Variants in SEMA3E observed in about 807,000 individuals in gnomAD.
SEMA3E encodes the protein semaphorin 3E, also known as semaphorin-3E.
In SEMA3E, 49 loss-of-function variants were observed where a neutral mutation model predicts 93.6. The ratio of observed to expected loss-of-function variants is 0.52; its 90% CI spans 0.42 to 0.66. The LOEUF (loss-of-function observed/expected upper bound fraction) is 0.66, where lower values mean the gene tolerates loss of function less well. Ranked by LOEUF, SEMA3E falls within the 30% of genes least tolerant of loss-of-function variation. The pLI is 0.00. For synonymous variants in SEMA3E, 363 were observed against 330.7 expected, an observed-to-expected ratio of 1.10 and a Z score of -1.06; for missense variants, 906 against 964.8, an observed-to-expected ratio of 0.94 and a Z score of 0.81.
At chr7:83,418,780 T>C (rs1037637198) in intron 4 of SEMA3E, among the ~76,000 whole-genome samples, 2 of 152,146 alleles carry the variant, frequency 1.3e-5, no homozygotes, top group African/African-American at 4.8e-5. Flanking sequence ...CAATGAAATA[T>C]TTGAAAGGAA....
chr7:83,523,305 G>C (rs1251644285), intron 1 of SEMA3E, among the ~76,000 whole-genome samples: 2 of 152,100 alleles, frequency 1.3e-5, no homozygotes, highest in Non-Finnish European at 2.9e-5. Context: ...CCAGATGAAA[G>C]AGTGATCTCA....
At chr7:83,505,753 T>G (rs561625880) in intron 1 of SEMA3E, among the ~76,000 whole-genome samples, 2 of 152,048 alleles carry the variant, frequency 1.3e-5, no homozygotes, top group South Asian at 2.1e-4. Context: ...CAGTGGCTCA[T>G]GCCTGTAATC....
intron 1 of SEMA3E, among the ~76,000 whole-genome samples, chr7:83,608,688 A>G (rs1159717652): frequency 6.6e-6 from 1 of 152,130 alleles, no homozygotes; most frequent in Admixed American, 6.6e-5. Context: ...TTTGAATTCC[A>G]TAAATATTCA....
rs1584208055 is a variant in SEMA3E at position 83,385,504 on chromosome 7, T to C, written c.1736-71A>G. 7.7e-6 allele frequency: 11 copies of C among 1,422,690 alleles called. No homozygotes were observed. The East Asian group carries it at 2.3e-4, about 30-fold the overall frequency. 88.1% of individuals were successfully genotyped at this position (1,422,690 alleles called of 1,614,324 possible). On this transcript the variant is annotated intron_variant, in intron 15 of 16. Coordinates refer to ENST00000643230, the MANE Select transcript of SEMA3E (RefSeq NM_012431.3). ...GGTAAATAAATTTTTCAAACATTAT[T>C]TAGATCCCTGCAGTAACATGATTAA...
intron 1 of SEMA3E, among the ~76,000 whole-genome samples, chr7:83,520,698 A>G (rs80199200): frequency 0.011 from 1,690 of 152,296 alleles, 29 homozygotes; most frequent in African/African-American, 0.039. Flanking sequence ...CATTTCCAAT[A>G]TGGAAACTAT....
intron 1 of SEMA3E, among the ~76,000 whole-genome samples, chr7:83,622,615 T>C (rs188410990): frequency 6.6e-6 from 1 of 152,100 alleles, no homozygotes; most frequent in African/African-American, 2.4e-5. Context: ...ATAAAGAAAA[T>C]GTGGTACATA....
rs143004729 is a variant in SEMA3E at position 83,481,423 on chromosome 7, A to G, written c.276+8691T>C. On this transcript the variant is annotated intron_variant, in intron 2 of 16. Transcript: ENST00000643230. ...TTTTTTCAATTTCTTAAAACGTTAA[A>G]TCAGAATTTGATTGAAATCAAAATT... Among the ~76,000 whole-genome samples, 10 of 152,344 alleles carry G rather than the reference A, an allele frequency of 6.6e-5. No homozygotes were observed. The East Asian group carries it at 1.9e-3, about 29-fold the overall frequency.
At chr7:83,414,702 G>T (rs915783813) in intron 5 of SEMA3E, among the ~76,000 whole-genome samples, 1 of 152,022 alleles carries the variant, frequency 6.6e-6, no homozygotes, top group Non-Finnish European at 1.5e-5. Context: ...CATTTACTTT[G>T]AAAAGCATCC....
chr7:83,395,542 G>C (rs1415604726), intron 12 of SEMA3E, among the ~76,000 whole-genome samples: 1 of 152,164 alleles, frequency 6.6e-6, no homozygotes, highest in South Asian at 2.1e-4. Context: ...TTGAGTCACA[G>C]GACATGCACA....
intron 1 of SEMA3E, among the ~76,000 whole-genome samples, chr7:83,603,743 C>T (rs1274814606): frequency 6.6e-6 from 1 of 152,072 alleles, no homozygotes; most frequent in Non-Finnish European, 1.5e-5. Context: ...AACCTTTAAG[C>T]CATATTGTTT....
intron 4 of SEMA3E, among the ~76,000 whole-genome samples, chr7:83,458,953 A>ATGTG (rs1554328012): frequency 1.7e-4 from 25 of 143,880 alleles, no homozygotes; most frequent in African/African-American, 4.8e-4. Flanking sequence ...ACATATGTAT[A>ATGTG]TGTGTGTGTG....
chr7:83,544,232 T>G (rs547919488), intron 1 of SEMA3E, among the ~76,000 whole-genome samples: 1 of 152,228 alleles, frequency 6.6e-6, no homozygotes, highest in African/African-American at 2.4e-5. Flanking sequence ...TATTGTGTTC[T>G]TCCTTACTTC....
At chr7:83,465,459 C>T (rs539393966) in intron 4 of SEMA3E, among the ~76,000 whole-genome samples, 1 of 152,288 alleles carries the variant, frequency 6.6e-6, no homozygotes, top group East Asian at 1.9e-4. Flanking sequence ...CCAGGGGCAG[C>T]TATTAAGCAC....
intron 5 of SEMA3E, among the ~76,000 whole-genome samples, chr7:83,417,392 C>G (rs930784635): frequency 2.0e-5 from 3 of 152,048 alleles, no homozygotes; most frequent in African/African-American, 7.2e-5. Context: ...AACTCTAAAT[C>G]AAGTATAATA....
intron 9 of SEMA3E, 30 bp from the exon 10 acceptor site, chr7:83,402,806 T>C: frequency 6.3e-7 from 1 of 1,598,638 alleles, no homozygotes; most frequent in Non-Finnish European, 8.5e-7. Flanking sequence ...TAATTATTCT[T>C]CTGGAACTAA....
intron 1 of SEMA3E, among the ~76,000 whole-genome samples, chr7:83,548,109 C>T (rs777896630): frequency 4.6e-5 from 7 of 152,062 alleles, no homozygotes; most frequent in Non-Finnish European, 1.0e-4. Flanking sequence ...TCTCTCTCTA[C>T]TTCCTTTTAA....
Position 83,365,082 on chromosome 7 carries a change from A to T in SEMA3E, c.*2504T>A, listed in dbSNP as rs1045613990. Reference sequence around the variant, plus strand: ...AGATTCTCAAGAAGGACAGAACAGCATAGATTGATTTATTTGTATTTTGAT... The same window carrying T: ...AGATTCTCAAGAAGGACAGAACAGCTTAGATTGATTTATTTGTATTTTGAT... On this transcript the variant is annotated 3_prime_UTR_variant, in exon 17 of 17. Transcript: ENST00000643230. The T allele has an allele frequency of 6.6e-6, 1 of 152,188 alleles. No homozygotes were observed. Among genetic ancestry groups the T allele is most frequent in the Non-Finnish European group, 1.5e-5 (1 of 68,036 alleles). 9.4% of individuals were successfully genotyped at this position (152,188 alleles called of 1,614,324 possible). A position where few individuals can be genotyped will look rare whatever the true frequency, so the allele number is the denominator to read the frequency against.
intron 1 of SEMA3E, among the ~76,000 whole-genome samples, chr7:83,555,200 C>T (rs1014487285): frequency 5.3e-5 from 8 of 152,056 alleles, no homozygotes; most frequent in African/African-American, 1.9e-4. Flanking sequence ...TTCGCCCTGA[C>T]CTGAGATATA....
intron 4 of SEMA3E, among the ~76,000 whole-genome samples, chr7:83,460,623 CT>C (rs1247242978): frequency 3.9e-4 from 10 of 25,440 alleles, no homozygotes; most frequent in East Asian, 0.029. Flanking sequence ...TCTACCCCTT[CT>C]CTGCTTTTCT....
Sources: gnomAD v4.1 joint callset for allele counts (sites outside exome capture counted in the v4.1 genomes callset) on GRCh38, gnomAD v4.1.1 for gene constraint, MANE v1.5 for transcripts, NCBI Gene and HGNC (gene_info 2026-07-23, HGNC 2026-07-21) for gene names.